Variants in AUH observed in about 807,000 individuals in gnomAD.
The protein encoded by AUH is AU RNA binding methylglutaconyl-CoA hydratase, also known as methylglutaconyl-CoA hydratase, mitochondrial.
A neutral mutation model predicts 42.3 loss-of-function variants in AUH; 29 were observed. The observed-to-expected ratio is 0.69, with a 90% CI of 0.51 to 0.93. The LOEUF is 0.93. AUH is among the 40% of genes least tolerant of loss of function. The probability of loss-of-function intolerance (pLI) is 0.00; values close to 1 mark genes in which losing one functional copy is unlikely to be tolerated. For synonymous variants in AUH, 174 were observed against 166.4 expected (o/e 1.05, Z -0.35); for missense variants, 452 against 438.1 (o/e 1.03, Z -0.28).
intron 6 of AUH, among the ~76,000 whole-genome samples, chr9:91,227,870 T>C (rs1017149308): frequency 9.2e-5 from 14 of 151,836 alleles, no homozygotes; most frequent in African/African-American, 3.4e-4. Context: ...GATTTGCGTA[T>C]ATTGAACCAG....
chr9:91,237,286 G>A (rs148806650), intron 6 of AUH, among the ~76,000 whole-genome samples: 275 of 152,266 alleles, frequency 1.8e-3, no homozygotes, highest in Non-Finnish European at 3.5e-3. Context: ...CTGGTGATGC[G>A]GTAAAGCTGT....
At chr9:91,218,481 C>G (rs940718112) in intron 7 of AUH, 1 of 376,328 alleles carries the variant, frequency 2.7e-6, no homozygotes, top group Non-Finnish European at 3.7e-6. Flanking sequence ...AAATCCCCAT[C>G]CTCCTTGTTA....
chr9:91,227,325 G>A (rs1297097978), intron 6 of AUH, among the ~76,000 whole-genome samples: 1 of 125,912 alleles, frequency 7.9e-6, no homozygotes, highest in African/African-American at 2.7e-5. Flanking sequence ...TTGTGAATGG[G>A]AGTTCACTCA....
At chr9:91,307,086 C>G (rs935334710) in intron 4 of AUH, among the ~76,000 whole-genome samples, 3 of 152,008 alleles carry the variant, frequency 2.0e-5, no homozygotes, top group Non-Finnish European at 4.4e-5. Flanking sequence ...TTGAGGGTAG[C>G]AGGGAGGGGC....
intron 6 of AUH, among the ~76,000 whole-genome samples, chr9:91,255,337 G>C (rs530406566): frequency 6.6e-6 from 1 of 152,292 alleles, no homozygotes; most frequent in South Asian, 2.1e-4. Flanking sequence ...AAATTGTAAT[G>C]CTTTCATGTT....
intron 6 of AUH, among the ~76,000 whole-genome samples, chr9:91,257,643 T>C (rs1336321240): frequency 6.6e-6 from 1 of 152,236 alleles, no homozygotes; most frequent in East Asian, 1.9e-4. Flanking sequence ...TTTTGTTCCA[T>C]GGCTCTGTTA....
chr9:91,267,064 A>G (rs939821646), intron 6 of AUH, among the ~76,000 whole-genome samples: 4 of 152,184 alleles, frequency 2.6e-5, no homozygotes, highest in African/African-American at 9.6e-5. Flanking sequence ...CAGATGGCAG[A>G]AAGGGAAGTG....
intron 6 of AUH, among the ~76,000 whole-genome samples, chr9:91,259,452 A>G (rs1043098993): frequency 6.6e-6 from 1 of 151,870 alleles, no homozygotes; most frequent in African/African-American, 2.4e-5. Context: ...AAACATTTTC[A>G]AAGAATCAGC....
chr9:91,231,919 T>G (rs77233736), intron 6 of AUH, among the ~76,000 whole-genome samples: 15,618 of 152,202 alleles, frequency 0.1, 861 homozygotes, highest in African/African-American at 0.13. Context: ...AATTACAGGA[T>G]AGCTCACAAG....
chr9:91,214,290 A>G lies in AUH; in HGVS notation c.*58T>C. 3 of 1,460,108 alleles carry G rather than the reference A, an allele frequency of 2.1e-6. No individual in the cohort carries two copies. Among genetic ancestry groups the G allele is most frequent in the South Asian group, 2.4e-5 (2 of 84,390 alleles). The allele number at this position is 1,460,108 out of a possible 1,614,324, so 90.4% of individuals were successfully genotyped here. On this transcript the variant is annotated 3_prime_UTR_variant, in exon 10 of 10. Transcript: ENST00000375731. ...TGTGCTGAGGCATATAGTGGATCCGAAAGACACTTCCAGGAAGTACATTTA... is the reference window on the plus strand; with the variant it reads ...TGTGCTGAGGCATATAGTGGATCCGGAAGACACTTCCAGGAAGTACATTTA...
At chr9:91,334,697 T>C (rs1830576400) in intron 3 of AUH, among the ~76,000 whole-genome samples, 1 of 152,184 alleles carries the variant, frequency 6.6e-6, no homozygotes, top group South Asian at 2.1e-4. Context: ...GGCAATCTAG[T>C]GAATGAGAAA....
chr9:91,303,480 G>A (rs1316342203), intron 4 of AUH, among the ~76,000 whole-genome samples: 4 of 152,076 alleles, frequency 2.6e-5, no homozygotes, highest in Admixed American at 6.6e-5. Flanking sequence ...ACTGGTGCCC[G>A]CCACTACGCC....
intron 4 of AUH, among the ~76,000 whole-genome samples, chr9:91,307,779 C>T (rs549879214): frequency 4.6e-5 from 7 of 152,100 alleles, no homozygotes; most frequent in Non-Finnish European, 1.0e-4. Context: ...ACAGTATATA[C>T]AGGGTTTGGT....
At chr9:91,271,582 G>T (rs1301676996) in intron 6 of AUH, among the ~76,000 whole-genome samples, 1 of 152,226 alleles carries the variant, frequency 6.6e-6, no homozygotes, top group African/African-American at 2.4e-5. Flanking sequence ...ACGTTTAGTA[G>T]GGCTTGTCCT....
At chr9:91,255,625 G>T (rs976071715) in intron 6 of AUH, among the ~76,000 whole-genome samples, 1 of 151,724 alleles carries the variant, frequency 6.6e-6, no homozygotes, top group Admixed American at 6.6e-5. Flanking sequence ...GTTACAGAAG[G>T]ATATTTCCAT....
chr9:91,251,787 G>C (rs1023252111), intron 6 of AUH, among the ~76,000 whole-genome samples: 1 of 151,780 alleles, frequency 6.6e-6, no homozygotes, highest in African/African-American at 2.4e-5. Context: ...GCCCCTTTAA[G>C]TGCTGTGATT....
intron 6 of AUH, among the ~76,000 whole-genome samples, chr9:91,256,792 G>A (rs561338623): frequency 3.3e-5 from 5 of 152,022 alleles, no homozygotes; most frequent in Non-Finnish European, 7.4e-5. Context: ...TCTCTGGTGT[G>A]GTGAGGATAG....
At chr9:91,322,173 C>T (rs542416654) in intron 4 of AUH, among the ~76,000 whole-genome samples, 47 of 152,146 alleles carry the variant, frequency 3.1e-4, no homozygotes, top group Non-Finnish European at 5.7e-4. Flanking sequence ...GCTATAGCTA[C>T]AATCACAAAA....
chr9:91,242,068 C>T (rs1259692601), intron 6 of AUH, among the ~76,000 whole-genome samples: 3 of 152,216 alleles, frequency 2.0e-5, no homozygotes, highest in Admixed American at 1.3e-4. Context: ...CCCTTCCCCA[C>T]GGCTGGCAGG....
Sources: gnomAD v4.1 joint callset for allele counts (sites outside exome capture counted in the v4.1 genomes callset) on GRCh38, gnomAD v4.1.1 for gene constraint, MANE v1.5 for transcripts, NCBI Gene and HGNC (gene_info 2026-07-23, HGNC 2026-07-21) for gene names.